The following CNTNAP5 variants were observed in gnomAD, a reference collection of about 807,000 sequenced individuals.
CNTNAP5 encodes contactin-associated protein-like 5.
CNTNAP5 carries 72 observed loss-of-function variants against 150.2 expected under a neutral mutation model. The observed-to-expected ratio is 0.48, with a 90% CI of 0.40 to 0.58. CNTNAP5 has a LOEUF of 0.58. Ranked by LOEUF, CNTNAP5 falls within the 20% of genes least tolerant of loss-of-function variation. CNTNAP5 has a pLI of 0.00. For missense variants in CNTNAP5, 1,636 were observed against 1,626.2 expected (o/e 1.01, Z -0.10); for synonymous variants, 672 against 619.8 (o/e 1.08, Z -1.25).
At chr2:124,567,651 C>G (rs1696053896) in intron 11 of CNTNAP5, among the ~76,000 whole-genome samples, 1 of 152,160 alleles carries the variant, frequency 6.6e-6, no homozygotes, top group African/African-American at 2.4e-5. Flanking sequence ...TTCCGACTCC[C>G]AGAGACAGAT....
chr2:124,463,016 G>T (rs1329757051), intron 6 of CNTNAP5, among the ~76,000 whole-genome samples: 2 of 152,136 alleles, frequency 1.3e-5, no homozygotes, highest in Non-Finnish European at 2.9e-5. Context: ...ATCATGTTCT[G>T]GAAGGCGGTG....
At chr2:124,760,552 T>C (rs1436980025) in intron 14 of CNTNAP5, among the ~76,000 whole-genome samples, 1 of 152,068 alleles carries the variant, frequency 6.6e-6, no homozygotes, top group Admixed American at 6.6e-5. Context: ...TTCTGTACCA[T>C]ACCCTTGCTC....
intron 19 of CNTNAP5, among the ~76,000 whole-genome samples, chr2:124,842,206 ACT>A (rs1229588680): frequency 2.0e-5 from 3 of 152,040 alleles, no homozygotes; most frequent in Admixed American, 1.3e-4. Flanking sequence ...AATGTAAGTG[ACT>A]CTAATTGGGT....
chr2:124,380,763 G>A (rs925247453), intron 3 of CNTNAP5, among the ~76,000 whole-genome samples: 5 of 152,106 alleles, frequency 3.3e-5, no homozygotes, highest in South Asian at 2.1e-4. Flanking sequence ...TGTGCTATGC[G>A]CAAGGCACTG....
intron 11 of CNTNAP5, among the ~76,000 whole-genome samples, chr2:124,576,930 C>T (rs1314950879): frequency 6.6e-6 from 1 of 152,174 alleles, no homozygotes; most frequent in African/African-American, 2.4e-5. Flanking sequence ...CTGTGCGTAG[C>T]TTTTGGACTA....
chr2:124,242,173 C>T (rs1262110792), intron 2 of CNTNAP5, 27 bp from the exon 3 acceptor site: 8 of 1,539,896 alleles, frequency 5.2e-6, no homozygotes, highest in Non-Finnish European at 7.1e-6. Flanking sequence ...CTACAACTCT[C>T]TCTCACTCTC....
chr2:124,726,794 A>G (rs2105122481), intron 13 of CNTNAP5, among the ~76,000 whole-genome samples: 1 of 148,152 alleles, frequency 6.7e-6, no homozygotes, highest in South Asian at 2.1e-4. Context: ...ATATTTTTTC[A>G]CTCTCGATTG....
At chr2:124,818,713 CCTCTGGACTGCAGTAGT>C (rs1464033135) in intron 19 of CNTNAP5, among the ~76,000 whole-genome samples, 1 of 152,124 alleles carries the variant, frequency 6.6e-6, no homozygotes, top group African/African-American at 2.4e-5. Flanking sequence ...CCTGCCCTCT[CCTCTGGACTGCAGTAGT>C]CTCTTCTCCA....
intron 1 of CNTNAP5, among the ~76,000 whole-genome samples, chr2:124,138,046 A>G (rs1684020864): frequency 6.6e-6 from 1 of 152,160 alleles, no homozygotes; most frequent in Non-Finnish European, 1.5e-5. Context: ...AAAATGGAGA[A>G]CTGAAAAATG....
intron 16 of CNTNAP5, among the ~76,000 whole-genome samples, chr2:124,766,802 G>A (rs985313599): frequency 3.9e-5 from 6 of 152,108 alleles, no homozygotes; most frequent in African/African-American, 1.2e-4. Context: ...ACGTATCAAT[G>A]TCCAGTTTGT....
intron 12 of CNTNAP5, among the ~76,000 whole-genome samples, chr2:124,643,293 G>C (rs1446148046): frequency 6.6e-6 from 1 of 152,158 alleles, no homozygotes; most frequent in African/African-American, 2.4e-5. Flanking sequence ...GTGTCTAATT[G>C]TGGGATTGGG....
intron 3 of CNTNAP5, among the ~76,000 whole-genome samples, chr2:124,331,933 T>C (rs1689359568): frequency 6.6e-6 from 1 of 151,954 alleles, no homozygotes; most frequent in Non-Finnish European, 1.5e-5. Context: ...TGTTTACTTT[T>C]GTATCAGTGT....
intron 1 of CNTNAP5, among the ~76,000 whole-genome samples, chr2:124,201,152 C>T (rs1280095360): frequency 6.6e-6 from 1 of 152,280 alleles, no homozygotes; most frequent in East Asian, 1.9e-4. Flanking sequence ...TGGTACCAGG[C>T]GTGGAGCCCT....
intron 3 of CNTNAP5, among the ~76,000 whole-genome samples, chr2:124,404,079 T>A (rs1691504731): frequency 6.6e-6 from 1 of 152,240 alleles, no homozygotes; most frequent in Non-Finnish European, 1.5e-5. Flanking sequence ...CCAAACCGTA[T>A]CCGCAGGGAT....
intron 12 of CNTNAP5, among the ~76,000 whole-genome samples, chr2:124,627,522 CAAA>C (rs3039905): frequency 6.3e-4 from 83 of 132,040 alleles, no homozygotes; most frequent in African/African-American, 1.3e-3. Flanking sequence ...ACAACAACAT[CAAA>C]AAAAAAAAAA....
At chr2:124,505,653 G>T (rs1399079029) in intron 8 of CNTNAP5, among the ~76,000 whole-genome samples, 1 of 151,976 alleles carries the variant, frequency 6.6e-6, no homozygotes, top group African/African-American at 2.4e-5. Flanking sequence ...GGATACCCTG[G>T]CTCCTCCAGC....
chr2:124,698,335 C>T (rs11902093), intron 13 of CNTNAP5, among the ~76,000 whole-genome samples: 1 of 150,554 alleles, frequency 6.6e-6, no homozygotes, highest in Non-Finnish European at 1.5e-5. Context: ...GATGCAACTG[C>T]AAAACTCAAG....
chr2:124,200,313 G>A (rs1461665992), intron 1 of CNTNAP5, among the ~76,000 whole-genome samples: 1 of 151,958 alleles, frequency 6.6e-6, no homozygotes, highest in Non-Finnish European at 1.5e-5. Flanking sequence ...ATTCTCTTTA[G>A]AATTTACTCT....
chr2:124,381,671 A>G (rs2104738436), intron 3 of CNTNAP5, among the ~76,000 whole-genome samples: 2 of 152,172 alleles, frequency 1.3e-5, no homozygotes, highest in East Asian at 3.9e-4. Context: ...CTTGACTACT[A>G]CAAAGTTTGA....
Sources: allele counts gnomAD v4.1 joint callset (sites outside exome capture counted in the v4.1 genomes callset), GRCh38; gene constraint gnomAD v4.1.1; transcripts MANE v1.5; gene names NCBI Gene and HGNC (gene_info 2026-07-23, HGNC 2026-07-21).